KCNIP1: variants seen among roughly 807,000 people sequenced by gnomAD.
The protein encoded by KCNIP1 is A-type potassium channel modulatory protein KCNIP1.
In KCNIP1, 18 loss-of-function variants were observed where a neutral mutation model predicts 33.0. The observed-to-expected ratio is 0.55, with a 90% confidence interval of 0.38 to 0.81. KCNIP1 has a LOEUF of 0.81. Among genes scored for constraint, KCNIP1 ranks in the 30% least tolerant of loss-of-function variants. The probability of loss-of-function intolerance (pLI) is 0.00; values close to 1 mark genes in which losing one functional copy is unlikely to be tolerated. For synonymous variants in KCNIP1, 93 were observed against 98.3 expected (o/e 0.95, Z 0.32); for missense variants, 238 against 271.6 (o/e 0.88, Z 0.87).
chr5:170,428,476 A>C (rs563807762), intron 1 of KCNIP1, among the ~76,000 whole-genome samples: 1 of 152,144 alleles, frequency 6.6e-6, no homozygotes, highest in East Asian at 1.9e-4. Context: ...TTTAACAACA[A>C]GGAACATAAT....
intron 1 of KCNIP1, among the ~76,000 whole-genome samples, chr5:170,442,129 G>A (rs1756007752): frequency 6.6e-6 from 1 of 152,108 alleles, no homozygotes; most frequent in Non-Finnish European, 1.5e-5. Context: ...ACTGACATGT[G>A]CAGTACTTAA....
At chr5:170,645,913 G>C (rs1435756216) in intron 1 of KCNIP1, among the ~76,000 whole-genome samples, 1 of 151,934 alleles carries the variant, frequency 6.6e-6, no homozygotes, top group Admixed American at 6.6e-5. Flanking sequence ...AAAATACTCT[G>C]AATCAACTAC....
At chr5:170,610,191 G>A (rs751545669) in intron 1 of KCNIP1, among the ~76,000 whole-genome samples, 9 of 152,136 alleles carry the variant, frequency 5.9e-5, no homozygotes, top group Non-Finnish European at 1.2e-4. Context: ...CTGGTTTAAC[G>A]AGCCCCCTAG....
At chr5:170,604,210 G>A (rs915678877) in intron 1 of KCNIP1, among the ~76,000 whole-genome samples, 8 of 152,128 alleles carry the variant, frequency 5.3e-5, no homozygotes, top group Non-Finnish European at 1.2e-4. Flanking sequence ...TCCATTCTAG[G>A]GAAATCTCAG....
chr5:170,491,759 T>C (rs2113201811), intron 1 of KCNIP1, among the ~76,000 whole-genome samples: 1 of 152,274 alleles, frequency 6.6e-6, no homozygotes, highest in East Asian at 1.9e-4. Flanking sequence ...TACAGCAAAC[T>C]CAGGGAATTT....
In KCNIP1 at chr5:170,447,665, G is replaced by A. The variant is rs190699425; in HGVS notation, c.88+93701G>A. Among the ~76,000 whole-genome samples the A allele has an allele frequency of 2.2e-3, 333 of 152,136 alleles. 1 individual carries two copies. Among genetic ancestry groups the A allele is most frequent in the Admixed American group, 3.7e-3 (56 of 15,284 alleles). ...GGGGTGTCTTCACAGGGCCAGTTTC[G>A]TCATGTTATTTCAAGGGTTGCTCCT... is the stretch of plus-strand genomic sequence containing the variant. On this transcript the variant is annotated intron_variant, in intron 1 of 7. Transcript: ENST00000377360.
chr5:170,400,514 G>C (rs1474739626), intron 1 of KCNIP1, among the ~76,000 whole-genome samples: 1 of 152,140 alleles, frequency 6.6e-6, no homozygotes, highest in Non-Finnish European at 1.5e-5. Flanking sequence ...TTCAAGATGA[G>C]ATTTGGGTGG....
intron 1 of KCNIP1, among the ~76,000 whole-genome samples, chr5:170,697,747 T>C (rs1294078680): frequency 6.6e-6 from 1 of 152,088 alleles, no homozygotes; most frequent in Non-Finnish European, 1.5e-5. Context: ...AAGTGCAAGA[T>C]GAATGTTTGC....
At position 170,466,955 on chromosome 5, in the gene KCNIP1, G is replaced by A. The variant is rs538773681; in HGVS notation, c.88+112991G>A. 6.6e-5 allele frequency among the ~76,000 whole-genome samples: 10 copies of A among 152,276 alleles called. No homozygotes were observed. The East Asian group carries it at 1.9e-3, about 29-fold the overall frequency. On this transcript the variant is annotated intron_variant, in intron 1 of 7. Coordinates refer to the KCNIP1 transcript ENST00000377360. ...CAAGGATGATTTCATGGAAGGCAAG[G>A]GAGTACAATGTCTCAAATAAACCAA...
In KCNIP1 at chr5:170,359,499, G is replaced by A. The variant is rs987505588; in HGVS notation, c.88+5535G>A. On this transcript the variant is annotated intron_variant, in intron 1 of 7. Transcript: ENST00000377360. ...GTCCCCACCATCCGAGTCCTGGCTC[G>A]CTCACTGTCCTGGCAGTGAGGGGCT... Among the ~76,000 whole-genome samples, 6 of 152,216 alleles carry A rather than the reference G, an allele frequency of 3.9e-5. No homozygotes were observed. The South Asian group carries it at 6.2e-4, about 16-fold the overall frequency.
At chr5:170,506,724 T>C (rs1475704520) in intron 1 of KCNIP1, among the ~76,000 whole-genome samples, 1 of 152,198 alleles carries the variant, frequency 6.6e-6, no homozygotes, top group East Asian at 1.9e-4. Context: ...AATGTTCGTT[T>C]GAGGCTCATA....
At chr5:170,714,922 G>A (rs1022213388) in intron 1 of KCNIP1, among the ~76,000 whole-genome samples, 3 of 152,054 alleles carry the variant, frequency 2.0e-5, no homozygotes, top group Non-Finnish European at 4.4e-5. Flanking sequence ...ATAGCCCTAA[G>A]CATAAAGTAT....
chr5:170,701,460 C>T (rs1581519643), intron 1 of KCNIP1, among the ~76,000 whole-genome samples: 1 of 152,206 alleles, frequency 6.6e-6, no homozygotes, highest in Admixed American at 6.5e-5. Flanking sequence ...TTGCCACCCA[C>T]CACTCGTCAG....
intron 1 of KCNIP1, among the ~76,000 whole-genome samples, chr5:170,672,309 G>T (rs927946963): frequency 6.6e-6 from 1 of 152,236 alleles, no homozygotes; most frequent in Non-Finnish European, 1.5e-5. Flanking sequence ...CAGCATGGAA[G>T]GGACTGGCAT....
At chr5:170,380,491 G>A (rs1764196695) in intron 1 of KCNIP1, among the ~76,000 whole-genome samples, 1 of 152,240 alleles carries the variant, frequency 6.6e-6, no homozygotes. Context: ...TGCCACCCTG[G>A]AAGCTGCCTG....
At chr5:170,590,869 C>A (rs1758224852) in intron 1 of KCNIP1, among the ~76,000 whole-genome samples, 1 of 152,170 alleles carries the variant, frequency 6.6e-6, no homozygotes, top group Non-Finnish European at 1.5e-5. Context: ...TCCTGAAGCT[C>A]CCCATCCTCG....
At chr5:170,652,498 A>AGGAAGGAAGGAAGGAAGG (rs59160659) in intron 1 of KCNIP1, among the ~76,000 whole-genome samples, 2 of 103,052 alleles carry the variant, frequency 1.9e-5, no homozygotes, top group African/African-American at 8.6e-5. Flanking sequence ...AAAAAAAAAA[A>AGGAAGGAAGGAAGGAAGG]AAGGAAGGAA....
chr5:170,425,085 C>T (rs1755582756), intron 1 of KCNIP1, among the ~76,000 whole-genome samples: 1 of 152,146 alleles, frequency 6.6e-6, no homozygotes, highest in Non-Finnish European at 1.5e-5. Context: ...AACAGCCCTC[C>T]CCTGCACACG....
chr5:170,563,595 T>G (rs9313513), intron 1 of KCNIP1, among the ~76,000 whole-genome samples: 96,757 of 152,102 alleles, frequency 0.64, 31,525 homozygotes, highest in African/African-American at 0.78. Flanking sequence ...CAGTTTACAA[T>G]TGCAATGGGA....
Sources: allele counts gnomAD v4.1 joint callset (sites outside exome capture counted in the v4.1 genomes callset), GRCh38; gene constraint gnomAD v4.1.1; transcripts MANE v1.5; gene names NCBI Gene and HGNC (gene_info 2026-07-23, HGNC 2026-07-21).